NCF2: variants seen among roughly 807,000 people sequenced by gnomAD.
The protein encoded by NCF2 is neutrophil cytosolic factor 2, also known as neutrophil cytosol factor 2.
A neutral mutation model predicts 70.9 loss-of-function variants in NCF2; 45 were observed. That is an observed-to-expected ratio of 0.63 (90% CI 0.50 to 0.81). NCF2 has a LOEUF of 0.81. Among genes scored for constraint, NCF2 ranks in the 40% least tolerant of loss-of-function variants. The pLI, the probability that NCF2 is intolerant of heterozygous loss-of-function variation, is 0.00. For synonymous variants in NCF2, 203 were observed against 233.6 expected, an observed-to-expected ratio of 0.87 and a Z score of 1.19; for missense variants, 522 against 631.6, an observed-to-expected ratio of 0.83 and a Z score of 1.86.
In NCF2 at chr1:183,560,219, T is replaced by C. The variant is rs1671980726; in HGVS notation, c.1345A>G (p.Asn449Asp). Reference protein sequence around the residue: ...PKESEKADANNQTTEPQLKKG... With the variant: ...PKESEKADANDQTTEPQLKKG... ...TTAAGCTGAGGTTCTGTTGTCTGGTTATTAGCATCAGCTTTTTCACTTTCC... is the reference window on the plus strand; with the variant it reads ...TTAAGCTGAGGTTCTGTTGTCTGGTCATTAGCATCAGCTTTTTCACTTTCC... Residue 449 changes from asparagine (N) to aspartate (D), a missense_variant, in exon 14 of 15, where the codon AAC becomes GAC. Asn to Asp is a conservative substitution (Grantham distance 23). Transcript: ENST00000367535. The C allele has an allele frequency of 6.2e-7, 1 of 1,614,106 alleles. No individual in the cohort carries two copies. Among genetic ancestry groups the C allele is most frequent in the Non-Finnish European group, 8.5e-7 (1 of 1,180,048 alleles).
At chr1:183,570,656 C>T in intron 6 of NCF2, 124 bp downstream of exon 6, 1 of 948,284 alleles carries the variant, frequency 1.1e-6, no homozygotes, top group South Asian at 1.4e-5. Context: ...CCCTCAGCTG[C>T]ACTGAGGGCC....
intron 1 of NCF2, among the ~76,000 whole-genome samples, chr1:183,589,137 T>G (rs1673518572): frequency 6.6e-6 from 1 of 152,184 alleles, no homozygotes; most frequent in South Asian, 2.1e-4. Context: ...TTCTCTGTCT[T>G]CCTGTCAGGA....
the NCF2 span, among the ~76,000 whole-genome samples, chr1:183,599,346 A>C: frequency 6.6e-6 from 1 of 152,124 alleles, no homozygotes; most frequent in East Asian, 1.9e-4. Flanking sequence ...GCACCTCTGT[A>C]CTCCAGCCTG....
chr1:183,560,358 AAGT>A (rs1671988031), intron 13 of NCF2, 85 bp from the exon 14 acceptor site: 3 of 1,447,590 alleles, frequency 2.1e-6, no homozygotes, highest in Non-Finnish European at 2.9e-6. Context: ...CGAAATGTCA[AAGT>A]AGAACCTGGG....
At chr1:183,596,836 A>G in the NCF2 span, among the ~76,000 whole-genome samples, 1 of 152,054 alleles carries the variant, frequency 6.6e-6, no homozygotes, top group Non-Finnish European at 1.5e-5. Flanking sequence ...CTCACATCCT[A>G]CGTAAAGTCT....
chr1:183,562,038 C>G (rs1672086345), intron 13 of NCF2, among the ~76,000 whole-genome samples: 2 of 152,034 alleles, frequency 1.3e-5, no homozygotes, highest in Admixed American at 6.6e-5. Flanking sequence ...CAGGCATGAG[C>G]CACTGCGCCT....
In NCF2 at chr1:183,563,528, C is replaced by T. The variant is rs886045656; in HGVS notation, c.1084G>A (p.Val362Ile). 1.2e-6 allele frequency: 2 copies of T among 1,614,088 alleles called. No individual in the cohort carries two copies. The highest frequency in any genetic ancestry group is 8.5e-7 in the Non-Finnish European group (1 of 1,180,004). The part of the protein sequence containing the change: ...YTLKVHYKYT[V>I]VMKTQPGLPY... ...AGCCCGGGCTGAGTCTTCATGACTA[C>T]CGTGTACTTGTAGTGCACCTTGAGT... Residue 362 changes from valine to isoleucine, a missense_variant, in exon 12 of 15, where the codon GTA becomes ATA. By Grantham distance (29) the Val-to-Ile change is conservative (BLOSUM62 3). Transcript: ENST00000367535.
intron 1 of NCF2, 137 bp from the exon 2 acceptor site, chr1:183,587,114 C>T: frequency 2.4e-6 from 2 of 816,392 alleles, no homozygotes; most frequent in East Asian, 2.4e-5. Context: ...CGAGGCCCAC[C>T]CTGTGCTCTC....
chr1:183,567,100 A>T, intron 8 of NCF2, 104 bp downstream of exon 8: 1 of 1,607,196 alleles, frequency 6.2e-7, no homozygotes, highest in Middle Eastern at 1.7e-4. Flanking sequence ...CAGACAAAAG[A>T]ACTTGGCTGG....
At chr1:183,596,697 G>A in the NCF2 span, among the ~76,000 whole-genome samples, 506 of 151,604 alleles carry the variant, frequency 3.3e-3, 7 homozygotes, top group East Asian at 0.042. Context: ...AGCCGACATT[G>A]CATCACTGCA....
chr1:183,561,693 T>C (rs1672057994), intron 13 of NCF2, among the ~76,000 whole-genome samples: 2 of 149,244 alleles, frequency 1.3e-5, no homozygotes, highest in South Asian at 4.3e-4. Flanking sequence ...TTGGCCAGGC[T>C]GGTCTTAAAC....
chr1:183,596,991 C>T, the NCF2 span, among the ~76,000 whole-genome samples: 1 of 152,320 alleles, frequency 6.6e-6, no homozygotes, highest in African/African-American at 2.4e-5. Context: ...TCTTTGAGGG[C>T]AGGGAACAGG....
rs765454120 is a variant in NCF2 at position 183,560,264 on chromosome 1, C to G, written c.1300G>C (p.Gly434Arg). 6 of 1,614,116 alleles carry G rather than the reference C, an allele frequency of 3.7e-6. No homozygotes were observed. Among genetic ancestry groups the G allele is most frequent in the African/African-American group, 2.7e-5 (2 of 75,024 alleles). ...CTTTCCTTGGGTTCATCTGGAAAGC[C>G]TTGGTCACCCTGAAATAATAAAGGG... ...LWCENTVGDQ[G>R]FPDEPKESEK... Residue 434 changes from glycine to arginine, a missense_variant, in exon 14 of 15, where the codon GGC (glycine) becomes CGC (arginine). Coordinates refer to ENST00000367535, the MANE Select transcript of NCF2 (RefSeq NM_000433.4).
intron 2 of NCF2, among the ~76,000 whole-genome samples, chr1:183,580,498 G>A (rs1000551060): frequency 5.9e-4 from 90 of 152,276 alleles, no homozygotes; most frequent in African/African-American, 1.8e-3. Flanking sequence ...TGCCTGTTTG[G>A]GAGCTCGCTG....
At chr1:183,566,621 C>G (rs1418634563) in intron 9 of NCF2, among the ~76,000 whole-genome samples, 1 of 152,194 alleles carries the variant, frequency 6.6e-6, no homozygotes, top group African/African-American at 2.4e-5. Context: ...CTTGGGAAGA[C>G]CTAACCCACT....
intron 2 of NCF2, among the ~76,000 whole-genome samples, chr1:183,582,337 C>T (rs903421917): frequency 2.0e-5 from 3 of 152,170 alleles, no homozygotes; most frequent in Non-Finnish European, 4.4e-5. Context: ...TTCTTCACAC[C>T]CACACTTCAG....
In NCF2 at chr1:183,586,908, A is replaced by T. The variant is rs201003183; in HGVS notation, c.244T>A (p.Tyr82Asn). Residue 82 changes from tyrosine (Y) to asparagine (N), a missense_variant, in exon 2 of 15, where the codon TAC (tyrosine) becomes AAC (asparagine). By Grantham distance (143) the Tyr-to-Asn change is moderately radical. Coordinates refer to ENST00000367535, the MANE Select transcript of NCF2 (RefSeq NM_000433.4). Reference sequence around the variant, plus strand: ...TGAACCACTTACTTCTCTGTCTGGTAGTAGAGCATCCCTCGTTGGAAGTAA... The same window carrying T: ...TGAACCACTTACTTCTCTGTCTGGTTGTAGAGCATCCCTCGTTGGAAGTAA... ...VAYFQRGMLY[Y>N]QTEKYDLAIK... 498 of 1,613,880 alleles carry T rather than the reference A, an allele frequency of 3.1e-4. No individual in the cohort carries two copies. The highest frequency in any genetic ancestry group is 3.8e-4 in the Non-Finnish European group (452 of 1,179,838).
In NCF2 at chr1:183,574,492, C is replaced by G. The variant is rs774918809; in HGVS notation, c.496G>C (p.Val166Leu). 5 of 1,614,228 alleles carry G rather than the reference C, an allele frequency of 3.1e-6. No homozygotes were observed. The South Asian group carries it at 4.4e-5, about 14-fold the overall frequency. ...TGCATCACCAATACGCTTACCCAGA[C>G]ACACTCCATCGCCTTGTCGATTTTG... is the stretch of plus-strand genomic sequence containing the variant. ...HSKIDKAMEC[V>L]WKQKLYEPVV... The change falls in exon 4 of 15, where the codon GTC becomes CTC. Residue 166 changes from valine to leucine, a missense_variant. Coordinates refer to ENST00000367535, the MANE Select transcript of NCF2 (RefSeq NM_000433.4).
chr1:183,575,868 G>A (rs1261139165), intron 3 of NCF2, among the ~76,000 whole-genome samples: 1 of 152,170 alleles, frequency 6.6e-6, no homozygotes, highest in East Asian at 1.9e-4. Context: ...CTGAATGGTG[G>A]GGGCCAGGAT....
Sources: allele counts gnomAD v4.1 joint callset (sites outside exome capture counted in the v4.1 genomes callset), GRCh38; gene constraint gnomAD v4.1.1; transcripts MANE v1.5; gene names NCBI Gene and HGNC (gene_info 2026-07-23, HGNC 2026-07-21).